Variants in PTPRD observed in about 807,000 individuals in gnomAD.
PTPRD encodes the protein receptor-type tyrosine-protein phosphatase delta.
A neutral mutation model predicts 214.5 loss-of-function variants in PTPRD; 34 were observed. That is an observed-to-expected ratio of 0.16 (90% CI 0.12 to 0.21). The LOEUF (loss-of-function observed/expected upper bound fraction) is 0.21, where lower values mean the gene tolerates loss of function less well. PTPRD is among the 10% of genes least tolerant of loss of function. The probability of loss-of-function intolerance (pLI) is 1.00; values close to 1 mark genes in which losing one functional copy is unlikely to be tolerated. For missense variants in PTPRD, 2,545 were observed against 2,398.7 expected, an observed-to-expected ratio of 1.06 and a Z score of -1.27; for synonymous variants, 1,128 against 845.7, an observed-to-expected ratio of 1.33 and a Z score of -5.79.
chr9:8,592,615 A>G (rs929612183), intron 14 of PTPRD, among the ~76,000 whole-genome samples: 1 of 152,114 alleles, frequency 6.6e-6, no homozygotes, highest in Non-Finnish European at 1.5e-5. Flanking sequence ...CACCAAAATA[A>G]TAAGCAGGCT....
chr9:9,116,930 C>G lies in PTPRD; in HGVS notation c.-143+66374G>C, dbSNP rs567718131. On this transcript the variant is annotated intron_variant, in intron 10 of 45. Coordinates refer to ENST00000381196, the MANE Select transcript of PTPRD (RefSeq NM_002839.4). Reference sequence around the variant, plus strand: ...TGGCTTTCCAATGCTTGTTACCATGCCTGACCCATAGTATGGATACATATT... The same window carrying G: ...TGGCTTTCCAATGCTTGTTACCATGGCTGACCCATAGTATGGATACATATT... Among the ~76,000 whole-genome samples the G allele has an allele frequency of 8.1e-4, 124 of 152,198 alleles. 1 individual carries two copies. Among genetic ancestry groups the G allele is most frequent in the African/African-American group, 2.6e-3 (108 of 41,530 alleles).
intron 4 of PTPRD, among the ~76,000 whole-genome samples, chr9:10,029,160 C>T (rs2096996186): frequency 6.6e-6 from 1 of 152,206 alleles, no homozygotes; most frequent in African/African-American, 2.4e-5. Context: ...TTGGGAACCT[C>T]TGCCTAGATT....
At chr9:10,002,228 G>A (rs1167646800) in intron 4 of PTPRD, among the ~76,000 whole-genome samples, 1 of 148,856 alleles carries the variant, frequency 6.7e-6, no homozygotes, top group African/African-American at 2.5e-5. Context: ...TCACAAAAAA[G>A]AGCAATATTA....
Position 8,527,352 on chromosome 9 carries a change from T to A in PTPRD, c.543A>T (p.Glu181Asp), listed in dbSNP as rs1592812938. The change falls in exon 16 of 46, where the codon GAA (glutamate) becomes GAT (aspartate). Residue 181 changes from glutamate to aspartate, a missense_variant and splice_region_variant. Physicochemically the swap from Glu to Asp is conservative, Grantham distance 45 (BLOSUM62 2). Coordinates refer to ENST00000381196, the MANE Select transcript of PTPRD (RefSeq NM_002839.4). Reference protein sequence around the residue: ...NNGRIKQLRSESIGGTPIRGA... With the variant: ...NNGRIKQLRSDSIGGTPIRGA... ...TCAGAACTAAGCACTTACCAATAGA[T>A]TCTGGAGATTTAAATACGGAGAGAA... The A allele has an allele frequency of 6.2e-7, 1 of 1,607,134 alleles. No homozygotes were observed. The highest frequency in any genetic ancestry group is 2.2e-5 in the East Asian group (1 of 44,770).
chr9:8,574,228 A>G (rs949576721), intron 14 of PTPRD, among the ~76,000 whole-genome samples: 1 of 152,036 alleles, frequency 6.6e-6, no homozygotes, highest in African/African-American at 2.4e-5. Context: ...TAAAATTACC[A>G]AAATCATGAT....
chr9:10,575,910 C>A (rs2069135184), intron 2 of PTPRD, among the ~76,000 whole-genome samples: 1 of 152,092 alleles, frequency 6.6e-6, no homozygotes, highest in Admixed American at 6.6e-5. Context: ...AGAATCTCCT[C>A]ATTGATTTTG....
At chr9:10,281,674 C>T (rs1478205289) in intron 3 of PTPRD, among the ~76,000 whole-genome samples, 1 of 152,140 alleles carries the variant, frequency 6.6e-6, no homozygotes, top group Non-Finnish European at 1.5e-5. Context: ...ACAAGTTCTG[C>T]TATTTTATAC....
intron 7 of PTPRD, among the ~76,000 whole-genome samples, chr9:9,678,463 TG>T (rs928131430): frequency 2.0e-5 from 3 of 151,936 alleles, no homozygotes; most frequent in African/African-American, 7.3e-5. Context: ...AAACAAGAAA[TG>T]GGGAAACGAT....
intron 14 of PTPRD, among the ~76,000 whole-genome samples, chr9:8,632,587 T>C (rs984391229): frequency 2.0e-5 from 3 of 151,940 alleles, no homozygotes; most frequent in Non-Finnish European, 2.9e-5. Flanking sequence ...CGTATCTCTA[T>C]ACAGAAGCCT....
chr9:10,105,410 G>T (rs779073825), intron 3 of PTPRD, among the ~76,000 whole-genome samples: 3 of 151,822 alleles, frequency 2.0e-5, no homozygotes, highest in Non-Finnish European at 2.9e-5. Context: ...CATTTAGAGA[G>T]GAATGTTATT....
At chr9:8,973,463 C>T (rs1048675062) in intron 11 of PTPRD, among the ~76,000 whole-genome samples, 23 of 151,886 alleles carry the variant, frequency 1.5e-4, no homozygotes, top group Non-Finnish European at 1.5e-5. Flanking sequence ...TCCAATCCAC[C>T]GTTGATAGGT....
chr9:9,760,040 T>C (rs2098637798), intron 6 of PTPRD, among the ~76,000 whole-genome samples: 1 of 152,180 alleles, frequency 6.6e-6, no homozygotes. Context: ...CAAGATTGTC[T>C]ATCACTAGAC....
intron 11 of PTPRD, among the ~76,000 whole-genome samples, chr9:8,953,842 A>G (rs2099116841): frequency 6.6e-6 from 1 of 151,966 alleles, no homozygotes; most frequent in African/African-American, 2.4e-5. Flanking sequence ...AAAAAGTGAA[A>G]AATAACAGAT....
At chr9:9,241,223 T>C (rs1255577332) in intron 9 of PTPRD, among the ~76,000 whole-genome samples, 1 of 152,194 alleles carries the variant, frequency 6.6e-6, no homozygotes. Context: ...GTTTTGTTTT[T>C]ATTTTAAGCT....
At chr9:9,416,269 C>T (rs1372229978) in intron 8 of PTPRD, among the ~76,000 whole-genome samples, 5 of 152,062 alleles carry the variant, frequency 3.3e-5, no homozygotes, top group African/African-American at 7.2e-5. Flanking sequence ...AAAATCTGAT[C>T]GTCTCATGGT....
intron 39 of PTPRD, among the ~76,000 whole-genome samples, chr9:8,370,756 G>A (rs1259781715): frequency 2.0e-5 from 3 of 152,024 alleles, no homozygotes. Context: ...GCAGAAAGGG[G>A]AGCTAAAAAC....
chr9:9,913,630 T>C (rs921569796), intron 5 of PTPRD, among the ~76,000 whole-genome samples: 1 of 152,146 alleles, frequency 6.6e-6, no homozygotes, highest in Non-Finnish European at 1.5e-5. Flanking sequence ...TCTAATTTGC[T>C]GAGTCAGGAG....
intron 3 of PTPRD, among the ~76,000 whole-genome samples, chr9:10,251,660 T>C (rs899031765): frequency 1.3e-5 from 2 of 152,198 alleles, no homozygotes; most frequent in Non-Finnish European, 2.9e-5. Context: ...CTAATATTAC[T>C]ACAAGTTCAC....
At chr9:9,607,977 A>G (rs1461400191) in intron 7 of PTPRD, among the ~76,000 whole-genome samples, 8 of 152,110 alleles carry the variant, frequency 5.3e-5, no homozygotes, top group African/African-American at 1.9e-4. Context: ...AACAGTCTGG[A>G]TTTGGGAGAG....
Sources: gnomAD v4.1 joint callset for allele counts (sites outside exome capture counted in the v4.1 genomes callset) on GRCh38, gnomAD v4.1.1 for gene constraint, MANE v1.5 for transcripts, NCBI Gene and HGNC (gene_info 2026-07-23, HGNC 2026-07-21) for gene names.